RANBP2: variants seen among roughly 807,000 people sequenced by gnomAD.
RANBP2 encodes the protein RAN binding protein 2, also known as E3 SUMO-protein ligase RanBP2.
Under a neutral mutation model 303.6 loss-of-function variants are expected in RANBP2, and 57 were observed. That is an observed-to-expected ratio of 0.19 (90% CI 0.15 to 0.23). The LOEUF (loss-of-function observed/expected upper bound fraction) is 0.23. RANBP2 is among the 10% of genes least tolerant of loss of function. The probability of loss-of-function intolerance (pLI) is 1.00; values close to 1 mark genes in which losing one functional copy is unlikely to be tolerated. For synonymous variants in RANBP2, 1,167 were observed against 1,301.5 expected, an observed-to-expected ratio of 0.90 and a Z score of 2.23; for missense variants, 3,138 against 3,780.8, an observed-to-expected ratio of 0.83 and a Z score of 4.46.
chr2:108,873,669 G>T, the RANBP2 span: 1 of 939,548 alleles, frequency 1.1e-6, no homozygotes, highest in Non-Finnish European at 1.6e-6. Flanking sequence ...TTAATCTTTT[G>T]GCTTCCCTGG....
chr2:109,154,411 T>TTAGACAA, the RANBP2 span, among the ~76,000 whole-genome samples: 1 of 152,170 alleles, frequency 6.6e-6, no homozygotes. Context: ...GCTGCTGCCA[T>TTAGACAA]TGTCTGCCAG....
At chr2:109,447,555 G>T in the RANBP2 span, among the ~76,000 whole-genome samples, 1 of 152,206 alleles carries the variant, frequency 6.6e-6, no homozygotes, top group Non-Finnish European at 1.5e-5. Context: ...GCAGCTGGAT[G>T]TGAGCTGCGT....
chr2:109,629,355 AT>A, the RANBP2 span, among the ~76,000 whole-genome samples: 167 of 15,362 alleles, frequency 0.011, 6 homozygotes, highest in Middle Eastern at 0.033. Flanking sequence ...ATATATATAT[AT>A]TTTTTTTTTT....
At chr2:108,789,317 G>A (rs1239950100), downstream of RANBP2, among the ~76,000 whole-genome samples, 1 of 152,192 alleles carries the variant, frequency 6.6e-6, no homozygotes, top group East Asian at 1.9e-4. Context: ...TATGGGCCAG[G>A]TGCGGTGGCT....
At chr2:109,449,746 G>A in the RANBP2 span, among the ~76,000 whole-genome samples, 1 of 152,316 alleles carries the variant, frequency 6.6e-6, no homozygotes, top group African/African-American at 2.4e-5. Flanking sequence ...TCAGAAAAAG[G>A]TGTCCCCTCT....
chr2:108,764,124 T>G lies in RANBP2; in HGVS notation c.3585T>G (p.Phe1195Leu). The change falls in exon 20 of 29, where the codon TTT (phenylalanine) becomes TTG (leucine). Residue 1195 changes from phenylalanine to leucine, a missense_variant. This residue lies in a region of RANBP2 where 403 missense variants were observed against 376.7 expected (regional missense o/e 1.07). Transcript: ENST00000283195. ...GTGAGGAAGATGAAGAAGAATTCTTTTGCAACCGCGCGAAATTGTTTCGTT... is the reference window on the plus strand; with the variant it reads ...GTGAGGAAGATGAAGAAGAATTCTTGTGCAACCGCGCGAAATTGTTTCGTT... Reference protein sequence around the residue: ...KTGEEDEEEFFCNRAKLFRFD... With the variant: ...KTGEEDEEEFLCNRAKLFRFD... 1 of 1,614,054 alleles carries G rather than the reference T, an allele frequency of 6.2e-7. No individual in the cohort carries two copies. Among genetic ancestry groups the G allele is most frequent in the Non-Finnish European group, 8.5e-7 (1 of 1,179,990 alleles).
chr2:109,640,097 A>ATTT, the RANBP2 span, among the ~76,000 whole-genome samples: 4,909 of 146,050 alleles, frequency 0.034, 86 homozygotes, highest in South Asian at 0.078. Context: ...TCTGCCTTCT[A>ATTT]TTTTTTTTTT....
the RANBP2 span, among the ~76,000 whole-genome samples, chr2:109,080,022 C>T: frequency 2.0e-5 from 3 of 152,170 alleles, no homozygotes; most frequent in Admixed American, 6.5e-5. Context: ...ATGGAATACC[C>T]GGAATAGGGC....
rs763611341 is a variant in RANBP2 at position 108,736,228 on chromosome 2, A to G, written c.761A>G (p.Glu254Gly). Residue 254 changes from glutamate (E) to glycine (G), a missense_variant, in exon 6 of 29, where the codon GAA (glutamate) becomes GGA (glycine). This residue lies in a region of RANBP2 where 306 missense variants were observed against 381.9 expected (regional missense o/e 0.80). Coordinates refer to ENST00000283195, the MANE Select transcript of RANBP2 (RefSeq NM_006267.5). ...LLTLSTRDVQ[E>G]SRELLQSFDS... ...ACGCTTTCCACTAGAGATGTGCAGG[A>G]AAGTAGAGAATTACTGCAAAGGTAC... 4.3e-6 allele frequency: 7 copies of G among 1,612,008 alleles called. No homozygotes were observed. The highest frequency in any genetic ancestry group is 1.3e-5 in the African/African-American group (1 of 74,992).
chr2:109,158,470 C>T, the RANBP2 span, among the ~76,000 whole-genome samples: 1 of 152,158 alleles, frequency 6.6e-6, no homozygotes, highest in Non-Finnish European at 1.5e-5. Flanking sequence ...TTCAGTCCCC[C>T]AAGGCTCAGC....
chr2:109,629,916 G>A, the RANBP2 span, among the ~76,000 whole-genome samples: 1 of 152,090 alleles, frequency 6.6e-6, no homozygotes, highest in Non-Finnish European at 1.5e-5. Flanking sequence ...GCTCATACTG[G>A]GAGCAGCAGT....
the RANBP2 span, among the ~76,000 whole-genome samples, chr2:109,682,618 C>T: frequency 3.9e-4 from 60 of 152,242 alleles, no homozygotes; most frequent in South Asian, 3.7e-3. Context: ...TCCCCAAGTA[C>T]CTCTGGCCCC....
the RANBP2 span, among the ~76,000 whole-genome samples, chr2:109,433,364 T>C: frequency 1.3e-5 from 2 of 152,250 alleles, no homozygotes; most frequent in African/African-American, 4.8e-5. Flanking sequence ...AAGTTCTCAG[T>C]TCTACTACTT....
chr2:109,409,917 T>C, the RANBP2 span, among the ~76,000 whole-genome samples: 1 of 152,142 alleles, frequency 6.6e-6, no homozygotes, highest in Non-Finnish European at 1.5e-5. Context: ...TGACAGTGTT[T>C]TCTGGACTTA....
chr2:109,470,143 C>T, the RANBP2 span, among the ~76,000 whole-genome samples: 1 of 152,196 alleles, frequency 6.6e-6, no homozygotes, highest in African/African-American at 2.4e-5. Context: ...TTCCTTGTCC[C>T]TTCTGGGGTG....
chr2:109,347,970 G>T, the RANBP2 span: 31 of 1,578,826 alleles, frequency 2.0e-5, no homozygotes, highest in Non-Finnish European at 2.5e-5. Context: ...CCCCGGGGTG[G>T]GCCCCGCCAG....
At chr2:109,306,257 G>C in the RANBP2 span, among the ~76,000 whole-genome samples, 1,282 of 152,308 alleles carry the variant, frequency 8.4e-3, 15 homozygotes, top group East Asian at 0.044. Flanking sequence ...CAGTGGGGCC[G>C]GGATGAGGGG....
the RANBP2 span, among the ~76,000 whole-genome samples, chr2:109,731,545 C>T: frequency 6.6e-6 from 1 of 152,100 alleles, no homozygotes; most frequent in African/African-American, 2.4e-5. Context: ...CAGGTGTGCA[C>T]CACCACGCCT....
chr2:108,772,383 C>A, intron 21 of RANBP2, 106 bp from the exon 22 acceptor site: 2 of 827,058 alleles, frequency 2.4e-6, no homozygotes, highest in Non-Finnish European at 4.0e-6. Context: ...AAATTGGCTG[C>A]AATTCAGATG....
Sources: allele counts gnomAD v4.1 joint callset (sites outside exome capture counted in the v4.1 genomes callset), GRCh38; gene constraint gnomAD v4.1.1; regional missense constraint gnomAD v4.1.1; transcripts MANE v1.5; gene names NCBI Gene and HGNC (gene_info 2026-07-23, HGNC 2026-07-21).